The following SYN3 variants were observed in gnomAD, a reference collection of about 807,000 sequenced individuals.
The protein encoded by SYN3 is synapsin III.
Under a neutral mutation model 65.8 loss-of-function variants are expected in SYN3, and 35 were observed. The ratio of observed to expected loss-of-function variants is 0.53; its 90% CI spans 0.41 to 0.70. The LOEUF (loss-of-function observed/expected upper bound fraction) is 0.70. SYN3 is among the 30% of genes least tolerant of loss of function. The pLI is 0.00. For synonymous variants in SYN3, 270 were observed against 292.9 expected (o/e 0.92, Z 0.80); for missense variants, 680 against 749.0 (o/e 0.91, Z 1.08).
At chr22:32,960,669 C>T (rs904816763) in intron 3 of SYN3, among the ~76,000 whole-genome samples, 1 of 152,202 alleles carries the variant, frequency 6.6e-6, no homozygotes, top group East Asian at 1.9e-4. Context: ...CCCCCATGCC[C>T]CTCAGGACTT....
intron 1 of SYN3, among the ~76,000 whole-genome samples, chr22:33,033,908 G>C (rs1277679238): frequency 2.0e-5 from 3 of 152,048 alleles, no homozygotes; most frequent in Non-Finnish European, 4.4e-5. Context: ...CAATTAGCCA[G>C]GCACGGTGGT....
intron 2 of SYN3, among the ~76,000 whole-genome samples, chr22:32,999,659 G>A (rs556247655): frequency 3.2e-4 from 49 of 152,200 alleles, no homozygotes; most frequent in South Asian, 8.3e-4. Context: ...CTCCAGCCTA[G>A]GCAACACAAT....
chr22:32,592,374 C>T (rs944157814), intron 7 of SYN3, among the ~76,000 whole-genome samples: 1 of 152,220 alleles, frequency 6.6e-6, no homozygotes, highest in African/African-American at 2.4e-5. Flanking sequence ...TGACTGACTT[C>T]TAACGAACTT....
chr22:32,562,556 T>C (rs2146359252), intron 7 of SYN3, among the ~76,000 whole-genome samples: 1 of 152,268 alleles, frequency 6.6e-6, no homozygotes, highest in South Asian at 2.1e-4. Context: ...CACAATCTGG[T>C]CTTTCACGGG....
chr22:32,845,931 T>A (rs1007406012), intron 6 of SYN3, among the ~76,000 whole-genome samples: 3 of 152,178 alleles, frequency 2.0e-5, no homozygotes, highest in African/African-American at 7.2e-5. Flanking sequence ...CACATTTGAA[T>A]TACAGAGGAG....
chr22:32,737,019 A>T (rs1352056109), intron 6 of SYN3, among the ~76,000 whole-genome samples: 1 of 152,204 alleles, frequency 6.6e-6, no homozygotes, highest in African/African-American at 2.4e-5. Flanking sequence ...CCACAGAAAA[A>T]CAGAAAGGGG....
At chr22:32,518,709 C>G in intron 12 of SYN3, among the ~76,000 whole-genome samples, 1 of 152,196 alleles carries the variant, frequency 6.6e-6, no homozygotes, top group Middle Eastern at 3.4e-3. Flanking sequence ...TACACTAAAA[C>G]CAGTGTGCCT....
intron 3 of SYN3, among the ~76,000 whole-genome samples, chr22:32,944,646 C>T (rs1169227012): frequency 6.6e-6 from 1 of 152,184 alleles, no homozygotes; most frequent in Non-Finnish European, 1.5e-5. Flanking sequence ...GCCAGGGATG[C>T]CCTCTCTCAC....
At chr22:32,769,180 C>A (rs1177127551) in intron 6 of SYN3, among the ~76,000 whole-genome samples, 1 of 152,072 alleles carries the variant, frequency 6.6e-6, no homozygotes, top group Non-Finnish European at 1.5e-5. Flanking sequence ...CTATATTCAC[C>A]ATCAATTACC....
rs2057662918 is a variant in SYN3, at chr22:32,509,045, C to T, written c.*4647G>A. Among the ~76,000 whole-genome samples, 1 of 152,114 alleles carries T rather than the reference C, an allele frequency of 6.6e-6. No homozygotes were observed. ...AATTCAGCAGGGACGGAATGTTAGG[C>T]TAGAGAATGTAGTAATGAAGAGAAT... is the stretch of plus-strand genomic sequence containing the variant. On this transcript the variant is annotated 3_prime_UTR_variant, in exon 14 of 14. Transcript: ENST00000358763.
At chr22:32,795,818 G>A (rs1298843850) in intron 6 of SYN3, among the ~76,000 whole-genome samples, 2 of 152,288 alleles carry the variant, frequency 1.3e-5, no homozygotes, top group East Asian at 1.9e-4. Flanking sequence ...AGAAGGATGC[G>A]ATCAATGGTG....
intron 7 of SYN3, among the ~76,000 whole-genome samples, chr22:32,569,567 C>CTA (rs1225222696): frequency 0.015 from 985 of 64,280 alleles, 1 homozygote; most frequent in African/African-American, 0.022. Flanking sequence ...CTCTCTCTCT[C>CTA]TCTCTATATA....
chr22:33,046,203 A>G (rs963919940), intron 1 of SYN3, among the ~76,000 whole-genome samples: 22 of 152,330 alleles, frequency 1.4e-4, no homozygotes, highest in African/African-American at 5.1e-4. Flanking sequence ...ACTGATTCCA[A>G]TGCAGAGCAA....
chr22:32,997,133 C>T (rs891009848), intron 2 of SYN3, among the ~76,000 whole-genome samples: 11 of 152,190 alleles, frequency 7.2e-5, no homozygotes, highest in Non-Finnish European at 1.6e-4. Context: ...TGAGCCAGGT[C>T]CCAGATGTCA....
intron 1 of SYN3, among the ~76,000 whole-genome samples, chr22:33,009,726 A>G (rs902056541): frequency 3.3e-5 from 5 of 150,292 alleles, no homozygotes; most frequent in South Asian, 4.2e-4. Flanking sequence ...AATACTTTAC[A>G]TATCCTTTCA....
intron 6 of SYN3, among the ~76,000 whole-genome samples, chr22:32,745,225 A>G (rs549674417): frequency 6.6e-6 from 1 of 152,112 alleles, no homozygotes; most frequent in African/African-American, 2.4e-5. Context: ...GCAGATGGAG[A>G]GCCTGGACTT....
rs1212223589 is a variant in SYN3, at chr22:32,509,432, A to C, written c.*4260T>G. 1.1e-4 allele frequency among the ~76,000 whole-genome samples: 17 copies of C among 152,218 alleles called. No homozygotes were observed. The East Asian group carries it at 3.3e-3, about 29-fold the overall frequency. Reference sequence around the variant, plus strand: ...GCCCTTTCCCATTTCAAAATGTCACAATTATTAAAGGTTACATGTTTGGAA... The same window carrying C: ...GCCCTTTCCCATTTCAAAATGTCACCATTATTAAAGGTTACATGTTTGGAA... On this transcript the variant is annotated 3_prime_UTR_variant, in exon 14 of 14. Transcript: ENST00000358763.
rs892949479 is a variant in SYN3, at chr22:32,903,370, C to T, written c.461+28020G>A. On this transcript the variant is annotated intron_variant, in intron 4 of 13. Transcript: ENST00000358763. ...TACACATTCGTTTTTTTAAAAAATACCCATCTAACAAGTTCTATGTCTTAA... is the reference window on the plus strand; with the variant it reads ...TACACATTCGTTTTTTTAAAAAATATCCATCTAACAAGTTCTATGTCTTAA... Among the ~76,000 whole-genome samples, 6 of 152,172 alleles carry T rather than the reference C, an allele frequency of 3.9e-5. No individual in the cohort carries two copies. In the East Asian group the frequency reaches 9.6e-4, roughly 24 times the overall value.
intron 6 of SYN3, among the ~76,000 whole-genome samples, chr22:32,733,550 T>C (rs761058318): frequency 2.6e-5 from 4 of 152,234 alleles, no homozygotes; most frequent in Non-Finnish European, 4.4e-5. Context: ...ATCTGATGTC[T>C]AACATGGCCG....
Sources: gnomAD v4.1 joint callset for allele counts (sites outside exome capture counted in the v4.1 genomes callset) on GRCh38, gnomAD v4.1.1 for gene constraint, MANE v1.5 for transcripts, NCBI Gene and HGNC (gene_info 2026-07-23, HGNC 2026-07-21) for gene names.